SUSD5: variants seen among roughly 807,000 people sequenced by gnomAD.
SUSD5 encodes the protein sushi domain containing 5.
Under a neutral mutation model 29.5 loss-of-function variants are expected in SUSD5, and 33 were observed. The ratio of observed to expected loss-of-function variants is 1.12; its 90% CI spans 0.85 to 1.49. The LOEUF is 1.49. Ranked by LOEUF, SUSD5 falls within the 40% of genes most tolerant of loss-of-function variation. SUSD5 has a pLI of 0.00. For synonymous variants in SUSD5, 308 were observed against 325.3 expected, an observed-to-expected ratio of 0.95 and a Z score of 0.57; for missense variants, 776 against 800.6, an observed-to-expected ratio of 0.97 and a Z score of 0.37.
chr3:33,178,025 A>G (rs909368938), intron 3 of SUSD5, among the ~76,000 whole-genome samples: 2 of 152,254 alleles, frequency 1.3e-5, no homozygotes, highest in Admixed American at 6.5e-5. Context: ...AGTGGTGAAA[A>G]GAGACATCTT....
chr3:33,181,204 G>A (rs943983757), intron 3 of SUSD5, among the ~76,000 whole-genome samples: 8 of 152,034 alleles, frequency 5.3e-5, no homozygotes, highest in Non-Finnish European at 7.4e-5. Context: ...TAGTCTAAGT[G>A]TACAGTGTTT....
rs1004011513 is a variant in SUSD5, at chr3:33,210,895, A to G, written c.291-2969T>C. Among the ~76,000 whole-genome samples the G allele has an allele frequency of 3.9e-4, 60 of 152,166 alleles. 1 individual carries two copies. The highest frequency in any genetic ancestry group is 1.3e-3 in the African/African-American group (55 of 41,516). On this transcript the variant is annotated intron_variant, in intron 2 of 4. Coordinates refer to ENST00000309558, the MANE Select transcript of SUSD5 (RefSeq NM_015551.2). Reference sequence around the variant, plus strand: ...TCTTTCTTTCATTATTTATTTTGAGACAGAGTCTAGCTCTGTTGCTCATGC... The same window carrying G: ...TCTTTCTTTCATTATTTATTTTGAGGCAGAGTCTAGCTCTGTTGCTCATGC...
chr3:33,173,909 G>C (rs746024640), intron 4 of SUSD5, among the ~76,000 whole-genome samples: 1 of 152,186 alleles, frequency 6.6e-6, no homozygotes, highest in Admixed American at 6.5e-5. Flanking sequence ...TGTTGGGGTG[G>C]GGAGGCCAGG....
intron 3 of SUSD5, among the ~76,000 whole-genome samples, chr3:33,192,876 T>C (rs991803968): frequency 2.0e-5 from 3 of 152,152 alleles, no homozygotes; most frequent in African/African-American, 7.2e-5. Flanking sequence ...CATAACCAAT[T>C]AGCCTAGTAC....
chr3:33,172,072 T>C (rs2031437884), intron 4 of SUSD5, among the ~76,000 whole-genome samples: 1 of 152,112 alleles, frequency 6.6e-6, no homozygotes, highest in Non-Finnish European at 1.5e-5. Flanking sequence ...CGAAGAGTGA[T>C]TATCCAAACC....
chr3:33,159,908 C>T (rs1209515362), intron 4 of SUSD5, among the ~76,000 whole-genome samples: 3 of 152,152 alleles, frequency 2.0e-5, no homozygotes, highest in Non-Finnish European at 2.9e-5. Context: ...ACTGGACAAG[C>T]GTGACCTGGC....
intron 4 of SUSD5, among the ~76,000 whole-genome samples, chr3:33,163,533 G>T (rs1021607582): frequency 2.6e-5 from 4 of 152,156 alleles, no homozygotes; most frequent in Admixed American, 2.6e-4. Flanking sequence ...TCCTTAACCT[G>T]ATTTTTAAAA....
intron 3 of SUSD5, among the ~76,000 whole-genome samples, chr3:33,193,460 A>G (rs187388704): frequency 1.6e-4 from 24 of 152,242 alleles, no homozygotes; most frequent in African/African-American, 5.8e-4. Flanking sequence ...TGAGATGAGG[A>G]TCAGGGCATA....
At chr3:33,209,847 T>C (rs1267753860) in intron 2 of SUSD5, among the ~76,000 whole-genome samples, 7 of 152,126 alleles carry the variant, frequency 4.6e-5, no homozygotes, top group Non-Finnish European at 1.0e-4. Context: ...ATTAGGTCTA[T>C]CCATTAAGTT....
At chr3:33,209,141 T>C (rs2125632826) in intron 2 of SUSD5, among the ~76,000 whole-genome samples, 2 of 152,352 alleles carry the variant, frequency 1.3e-5, no homozygotes, top group South Asian at 4.1e-4. Flanking sequence ...TCAAAAGTCT[T>C]TGGGCTTTCA....
chr3:33,198,621 C>T (rs904237176), intron 3 of SUSD5, among the ~76,000 whole-genome samples: 3 of 152,196 alleles, frequency 2.0e-5, no homozygotes, highest in African/African-American at 7.2e-5. Context: ...AATATTCTCA[C>T]CCCTGTATAT....
chr3:33,211,091 G>A lies in SUSD5; in HGVS notation c.290+2837C>T, dbSNP rs149466678. Among the ~76,000 whole-genome samples the A allele has an allele frequency of 3.8e-4, 57 of 151,992 alleles. No individual in the cohort carries two copies. The East Asian group carries it at 5.8e-3, about 15-fold the overall frequency. Reference sequence around the variant, plus strand: ...ATTTTTTTAGTAGAGACTGGGTTTCGCCATATTGGCCAGGCTGGTCTTGAA... The same window carrying A: ...ATTTTTTTAGTAGAGACTGGGTTTCACCATATTGGCCAGGCTGGTCTTGAA... On this transcript the variant is annotated intron_variant, in intron 2 of 4. Transcript: ENST00000309558.
At chr3:33,196,756 A>C (rs1480996292) in intron 3 of SUSD5, among the ~76,000 whole-genome samples, 1 of 152,244 alleles carries the variant, frequency 6.6e-6, no homozygotes, top group Non-Finnish European at 1.5e-5. Flanking sequence ...AGCACAAGAA[A>C]GAACTATCCT....
intron 4 of SUSD5, among the ~76,000 whole-genome samples, chr3:33,173,046 A>G (rs1285542047): frequency 1.3e-5 from 2 of 152,248 alleles, no homozygotes; most frequent in Non-Finnish European, 2.9e-5. Context: ...TAAAAATTCT[A>G]TAATATGTAA....
At chr3:33,154,677 TA>T (rs2031009960) in intron 4 of SUSD5, among the ~76,000 whole-genome samples, 1 of 152,114 alleles carries the variant, frequency 6.6e-6, no homozygotes, top group South Asian at 2.1e-4. Flanking sequence ...CTATTTACAA[TA>T]ACATTAAAAA....
chr3:33,162,507 C>A (rs4678489), intron 4 of SUSD5, among the ~76,000 whole-genome samples: 126,262 of 151,822 alleles, frequency 0.83, 53,073 homozygotes, highest in East Asian at 1. Flanking sequence ...ATTCTTTGAA[C>A]TGACGAGTAA....
intron 2 of SUSD5, 68 bp from the exon 3 acceptor site, chr3:33,207,994 T>G: frequency 2.5e-6 from 3 of 1,192,636 alleles, no homozygotes; most frequent in Non-Finnish European, 2.5e-6. Context: ...AATAATTCTC[T>G]TCTGCTGTCA....
At position 33,167,111 on chromosome 3, in the gene SUSD5, G is replaced by A. The variant is rs746010470; in HGVS notation, c.598+7775C>T. On this transcript the variant is annotated intron_variant, in intron 4 of 4. Transcript: ENST00000309558. The surrounding 1 kb of genome is among the most constrained non-coding windows in gnomAD (Gnocchi z 4.1). ...GAAGAACAGCTTGAACCCGGGAGGC[G>A]GAGGGTGCAGTGAGCCGAGATCACA... Among the ~76,000 whole-genome samples the A allele has an allele frequency of 1.3e-3, 199 of 150,950 alleles. No individual in the cohort carries two copies. Among genetic ancestry groups the A allele is most frequent in the Middle Eastern group, 6.8e-3 (2 of 294 alleles).
chr3:33,199,158 C>T (rs543158474), intron 3 of SUSD5, among the ~76,000 whole-genome samples: 2 of 151,842 alleles, frequency 1.3e-5, no homozygotes, highest in South Asian at 4.2e-4. Flanking sequence ...AGTCTCACTG[C>T]TACTCCCTTT....
Sources: allele counts gnomAD v4.1 joint callset (sites outside exome capture counted in the v4.1 genomes callset), GRCh38; gene constraint gnomAD v4.1.1; non-coding constraint Gnocchi (gnomAD v3.1); transcripts MANE v1.5; gene names NCBI Gene and HGNC (gene_info 2026-07-23, HGNC 2026-07-21).